The following RAB5A variants were observed in gnomAD, a reference collection of about 807,000 sequenced individuals.
The protein encoded by RAB5A is ras-related protein Rab-5A.
Under a neutral mutation model 25.7 loss-of-function variants are expected in RAB5A, and 8 were observed. The observed-to-expected ratio is 0.31, with a 90% CI of 0.18 to 0.56. The LOEUF (loss-of-function observed/expected upper bound fraction) is 0.56, where lower values mean the gene tolerates loss of function less well. RAB5A is among the 20% of genes least tolerant of loss of function. The probability of loss-of-function intolerance (pLI) is 0.91; values close to 1 mark genes in which losing one functional copy is unlikely to be tolerated. For synonymous variants in RAB5A, 98 were observed against 89.8 expected (o/e 1.09, Z -0.52); for missense variants, 192 against 259.7 (o/e 0.74, Z 1.79).
At chr3:19,978,546 A>T (rs933816239) in intron 5 of RAB5A, 143 bp downstream of exon 5, 8 of 576,830 alleles carry the variant, frequency 1.4e-5, no homozygotes, top group Non-Finnish European at 2.5e-5. Context: ...AGAGAGAGAG[A>T]TTATACCACT....
rs1448090548 is a variant in RAB5A at position 19,984,331 on chromosome 3, A to G, written c.*508A>G. ...AAATGTACATTCCACATTTTAATAA[A>G]TTAACCACAAGAAAATAATCCCACA... On this transcript the variant is annotated 3_prime_UTR_variant, in exon 6 of 6. Transcript: ENST00000273047. 2 of 404,692 alleles carry G rather than the reference A, an allele frequency of 4.9e-6. No individual in the cohort carries two copies. The highest frequency in any genetic ancestry group is 3.7e-4 in the Middle Eastern group (1 of 2,674). 25.1% of individuals were successfully genotyped at this position (404,692 alleles called of 1,614,324 possible). A position where few individuals can be genotyped will look rare whatever the true frequency, so the allele number is the denominator to read the frequency against.
Position 19,985,120 on chromosome 3 carries a change from A to G in RAB5A, c.*1297A>G, listed in dbSNP as rs1358210542. ...TGCAGAATTAGGAAAACGGTTCACC[A>G]GTGTTTAGTTTTATATTGAGGTGCT... On this transcript the variant is annotated 3_prime_UTR_variant, in exon 6 of 6. Transcript: ENST00000273047. 5.5e-6 allele frequency: 2 copies of G among 361,062 alleles called. No homozygotes were observed. Among genetic ancestry groups the G allele is most frequent in the Non-Finnish European group, 9.9e-6 (2 of 202,314 alleles). The allele number at this position is 361,062 out of a possible 1,614,324, so 22.4% of individuals were successfully genotyped here.
intron 2 of RAB5A, among the ~76,000 whole-genome samples, chr3:19,963,367 C>A (rs1043042816): frequency 1.3e-4 from 2 of 15,124 alleles, no homozygotes; most frequent in African/African-American, 3.0e-4. Context: ...GAATTTCACC[C>A]CCCCCCCCCC....
chr3:19,951,250 G>T (rs1696417989), intron 2 of RAB5A, 189 bp downstream of exon 2: 1 of 581,304 alleles, frequency 1.7e-6, no homozygotes, highest in Non-Finnish European at 2.9e-6. Context: ...ATATTTGATT[G>T]TTTGGTTAAT....
intron 2 of RAB5A, among the ~76,000 whole-genome samples, chr3:19,968,135 C>G (rs956569599): frequency 6.6e-6 from 1 of 152,110 alleles, no homozygotes; most frequent in Non-Finnish European, 1.5e-5. Context: ...CATTCTATTT[C>G]TGAAATTTTG....
intron 2 of RAB5A, among the ~76,000 whole-genome samples, chr3:19,963,364 ACCCCCCCCCCCCCCGAC>A (rs1696616430): frequency 1.6e-5 from 1 of 60,960 alleles, no homozygotes; most frequent in African/African-American, 6.9e-5. Context: ...TTAGAATTTC[ACCCCCCCCCCCCCCGAC>A]TTATTTTCGT....
At chr3:19,973,353 A>AT (rs1696778378) in intron 2 of RAB5A, among the ~76,000 whole-genome samples, 1 of 151,038 alleles carries the variant, frequency 6.6e-6, no homozygotes, top group Non-Finnish European at 1.5e-5. Context: ...TGTCTGAAAA[A>AT]TGAAACAGTC....
intron 1 of RAB5A, among the ~76,000 whole-genome samples, chr3:19,949,304 A>G (rs1425382962): frequency 6.6e-6 from 1 of 152,248 alleles, no homozygotes; most frequent in African/African-American, 2.4e-5. Flanking sequence ...TGCCTTAAGA[A>G]CTAAGATCTC....
At chr3:19,982,143 T>A (rs59361244) in intron 5 of RAB5A, among the ~76,000 whole-genome samples, 3,971 of 149,944 alleles carry the variant, frequency 0.026, 161 homozygotes, top group African/African-American at 0.092. Flanking sequence ...AAAGCTGAGG[T>A]GGGAGGATCT....
At chr3:19,982,634 A>G (rs1696951086) in intron 5 of RAB5A, among the ~76,000 whole-genome samples, 1 of 152,050 alleles carries the variant, frequency 6.6e-6, no homozygotes, top group African/African-American at 2.4e-5. Flanking sequence ...GAGTTGCTTG[A>G]GCCCAAGAGT....
chr3:19,975,759 A>G lies in RAB5A; in HGVS notation c.315+7A>G, dbSNP rs763470791. 1.9e-6 allele frequency: 3 copies of G among 1,602,510 alleles called. No homozygotes were observed. The highest frequency in any genetic ancestry group is 2.3e-5 in the South Asian group (2 of 88,552). On this transcript the variant is annotated splice_region_variant and intron_variant, in intron 3 of 5. Transcript: ENST00000273047. ...ATATGATATCACAAATGAGGTAAGT[A>G]TGGATGCATTCCACAGTAAAACTAA...
intron 2 of RAB5A, among the ~76,000 whole-genome samples, chr3:19,960,485 G>A (rs774160053): frequency 5.9e-5 from 9 of 152,136 alleles, no homozygotes; most frequent in Non-Finnish European, 1.3e-4. Context: ...ATTTTTGGTA[G>A]AGATGGCTAT....
chr3:19,969,031 G>GTTTTTTTGTT (rs1696702350), intron 2 of RAB5A, among the ~76,000 whole-genome samples: 12 of 99,696 alleles, frequency 1.2e-4, no homozygotes, highest in African/African-American at 6.0e-4. Flanking sequence ...TTTGGTTTTG[G>GTTTTTTTGTT]TTTTTTTTTT....
intron 2 of RAB5A, among the ~76,000 whole-genome samples, chr3:19,963,018 A>AG (rs1696610522): frequency 1.3e-5 from 2 of 152,138 alleles, no homozygotes; most frequent in South Asian, 4.1e-4. Context: ...CATGTTGCCC[A>AG]GGGTAGTCTC....
At chr3:19,970,984 G>A (rs189317361) in intron 2 of RAB5A, among the ~76,000 whole-genome samples, 1 of 152,178 alleles carries the variant, frequency 6.6e-6, no homozygotes, top group African/African-American at 2.4e-5. Context: ...ATCACCAGAG[G>A]TCAGGGGTTC....
At position 19,964,962 on chromosome 3, in the gene RAB5A, G is replaced by C. The variant is rs545871139; in HGVS notation, c.164-10639G>C. Among the ~76,000 whole-genome samples, 6 of 152,158 alleles carry C rather than the reference G, an allele frequency of 3.9e-5. No homozygotes were observed. The East Asian group carries it at 9.7e-4, about 25-fold the overall frequency. On this transcript the variant is annotated intron_variant, in intron 2 of 5. Coordinates refer to ENST00000273047, the MANE Select transcript of RAB5A (RefSeq NM_004162.5). Reference sequence around the variant, plus strand: ...ATTTATTTATTTGAGACGGAGTCTCGCTCTGTCCCCTAGGCTGGAATGCAG... The same window carrying C: ...ATTTATTTATTTGAGACGGAGTCTCCCTCTGTCCCCTAGGCTGGAATGCAG...
In RAB5A at chr3:19,947,285, C is replaced by CGGCGGCGGAGGA; in HGVS notation, c.-328_-327insCGGCGGAGGAGG. 4 of 183,360 alleles carry CGGCGGCGGAGGA rather than the reference C, an allele frequency of 2.2e-5. No homozygotes were observed. The highest frequency in any genetic ancestry group is 9.1e-5 in the South Asian group (1 of 10,972). The allele number at this position is 183,360 out of a possible 1,614,324, so 11.4% of individuals were successfully genotyped here. ...CCAGCGCCGGCGGCGGCGGCGGCGGCGGAGGAGGAGAAAGGAAAGAGGAAG... is the reference window on the plus strand; with the variant it reads ...CCAGCGCCGGCGGCGGCGGCGGCGGCGGCGGCGGAGGAGGAGGAGGAGAAAGGAAAGAGGAAG... On this transcript the variant is annotated 5_prime_UTR_variant, in exon 1 of 6. Coordinates refer to ENST00000273047, the MANE Select transcript of RAB5A (RefSeq NM_004162.5).
At chr3:19,979,369 C>T (rs35175665) in intron 5 of RAB5A, among the ~76,000 whole-genome samples, 21,600 of 151,202 alleles carry the variant, frequency 0.14, 1,625 homozygotes, top group South Asian at 0.2. Context: ...CTGCAAGCTC[C>T]GCCTCCTGGA....
At chr3:19,979,196 C>T (rs1373177703) in intron 5 of RAB5A, among the ~76,000 whole-genome samples, 3 of 151,762 alleles carry the variant, frequency 2.0e-5, no homozygotes, top group Non-Finnish European at 4.4e-5. Flanking sequence ...AGGCTGGTCT[C>T]GAACTCCTGA....
Sources: allele counts gnomAD v4.1 joint callset (sites outside exome capture counted in the v4.1 genomes callset), GRCh38; gene constraint gnomAD v4.1.1; transcripts MANE v1.5; gene names NCBI Gene and HGNC (gene_info 2026-07-23, HGNC 2026-07-21).